EEIG1: variants seen among roughly 807,000 people sequenced by gnomAD.
The protein encoded by EEIG1 is estrogen-induced osteoclastogenesis regulator 1, also known as early estrogen-induced gene 1 protein.
the EEIG1 span, among the ~76,000 whole-genome samples, chr9:127,947,139 G>A: frequency 6.6e-6 from 1 of 151,842 alleles, no homozygotes; most frequent in Non-Finnish European, 1.5e-5. Flanking sequence ...CGGGCGCGGT[G>A]GCTCACGCCT....
chr9:127,948,596 G>A, the EEIG1 span, among the ~76,000 whole-genome samples: 1 of 152,378 alleles, frequency 6.6e-6, no homozygotes, highest in South Asian at 2.1e-4. Context: ...GTTTCCCTGT[G>A]TGGAGGACAG....
At chr9:127,970,658 A>C in the EEIG1 span, among the ~76,000 whole-genome samples, 1 of 152,140 alleles carries the variant, frequency 6.6e-6, no homozygotes, top group South Asian at 2.1e-4. Context: ...GGTGGTTCTA[A>C]ACTACAAATG....
the EEIG1 span, among the ~76,000 whole-genome samples, chr9:127,963,912 C>T: frequency 1.1e-3 from 167 of 152,302 alleles, 1 homozygote; most frequent in Middle Eastern, 3.4e-3. Context: ...GCTACAAGGG[C>T]GGTGAACAGA....
chr9:127,980,554 C>G, the EEIG1 span: 1 of 151,250 alleles, frequency 6.6e-6, no homozygotes, highest in Non-Finnish European at 1.5e-5. Flanking sequence ...GGCGGGCTGG[C>G]TGGCCGGTAA....
At chr9:127,966,191 G>A in the EEIG1 span, among the ~76,000 whole-genome samples, 1 of 152,170 alleles carries the variant, frequency 6.6e-6, no homozygotes, top group Admixed American at 6.5e-5. Context: ...AGGGAAGCCA[G>A]GTCATCCAGG....
chr9:127,947,783 A>G, the EEIG1 span, among the ~76,000 whole-genome samples: 3 of 152,226 alleles, frequency 2.0e-5, no homozygotes, highest in African/African-American at 7.2e-5. Flanking sequence ...GTAGACATGC[A>G]TTTATCTATG....
the EEIG1 span, among the ~76,000 whole-genome samples, chr9:127,974,986 T>C: frequency 6.6e-6 from 1 of 152,200 alleles, no homozygotes; most frequent in Admixed American, 6.5e-5. Flanking sequence ...GGGACAGAAT[T>C]CTGTGTCCAT....
the EEIG1 span, among the ~76,000 whole-genome samples, chr9:127,960,466 C>T: frequency 2.6e-5 from 4 of 152,118 alleles, no homozygotes; most frequent in African/African-American, 9.7e-5. Flanking sequence ...AGAACAGCCA[C>T]AGAGGAGGAG....
the EEIG1 span, among the ~76,000 whole-genome samples, chr9:127,966,398 G>A: frequency 3.3e-5 from 5 of 151,570 alleles, no homozygotes; most frequent in South Asian, 2.1e-4. Flanking sequence ...GCTTGAGCCC[G>A]GGAGTTCAAG....
At chr9:127,963,849 C>G in the EEIG1 span, 7 of 152,296 alleles carry the variant, frequency 4.6e-5, no homozygotes, top group African/African-American at 1.7e-4. Context: ...GGGGAGACGG[C>G]CATTACACAG....
At chr9:127,980,190 C>A in the EEIG1 span, 4 of 1,559,044 alleles carry the variant, frequency 2.6e-6, no homozygotes, top group South Asian at 3.5e-5. Context: ...TGGAGAGGGA[C>A]GGGATTCCTT....
chr9:127,956,279 G>A, the EEIG1 span, among the ~76,000 whole-genome samples: 8 of 152,186 alleles, frequency 5.3e-5, no homozygotes, highest in East Asian at 1.9e-4. Flanking sequence ...CTGGTGGGAG[G>A]AGAAAGAAGA....
At chr9:127,966,176 G>C in the EEIG1 span, among the ~76,000 whole-genome samples, 1 of 152,188 alleles carries the variant, frequency 6.6e-6, no homozygotes, top group East Asian at 1.9e-4. Flanking sequence ...ATGGGCACAG[G>C]GTGGAGGGAA....
chr9:127,948,127 G>A, the EEIG1 span: 14 of 1,613,542 alleles, frequency 8.7e-6, no homozygotes, highest in African/African-American at 2.7e-5. Context: ...CAGGGAGTTG[G>A]TGCTGCTGCC....
the EEIG1 span, among the ~76,000 whole-genome samples, chr9:127,962,260 T>C: frequency 6.6e-6 from 1 of 152,134 alleles, no homozygotes; most frequent in Non-Finnish European, 1.5e-5. Flanking sequence ...AAATTGCAAA[T>C]GAAGGCCACC....
chr9:127,953,961 C>A, the EEIG1 span: 1 of 1,611,256 alleles, frequency 6.2e-7, no homozygotes, highest in South Asian at 1.1e-5. Context: ...CACAGGCACA[C>A]ACATCCGCGC....
chr9:127,951,634 T>C, the EEIG1 span, among the ~76,000 whole-genome samples: 1 of 151,186 alleles, frequency 6.6e-6, no homozygotes, highest in Admixed American at 6.6e-5. Context: ...GCGAACACGG[T>C]GAAACCCCGT....
At chr9:127,962,115 G>C in the EEIG1 span, among the ~76,000 whole-genome samples, 4 of 152,210 alleles carry the variant, frequency 2.6e-5, no homozygotes, top group African/African-American at 9.6e-5. Context: ...TCCCCAGCAG[G>C]GTGGGATGGC....
chr9:127,943,047 A>T, the EEIG1 span: 17 of 734,190 alleles, frequency 2.3e-5, no homozygotes, highest in Non-Finnish European at 3.9e-5. Flanking sequence ...GAATGATGCT[A>T]CGGGGAGTGT....
Sources: gnomAD v4.1 joint callset for allele counts (sites outside exome capture counted in the v4.1 genomes callset) on GRCh38, gnomAD v4.1.1 for gene constraint, MANE v1.5 for transcripts, NCBI Gene and HGNC (gene_info 2026-07-23, HGNC 2026-07-21) for gene names.